CTNNA3: variants seen among roughly 807,000 people sequenced by gnomAD.
CTNNA3 encodes the protein catenin alpha 3.
CTNNA3 carries 76 observed loss-of-function variants against 95.7 expected under a neutral mutation model. The ratio of observed to expected loss-of-function variants is 0.79; its 90% CI spans 0.66 to 0.96. The LOEUF is 0.96. CTNNA3 is among the 40% of genes least tolerant of loss of function. The probability of loss-of-function intolerance (pLI) is 0.00; values close to 1 mark genes in which losing one functional copy is unlikely to be tolerated. For synonymous variants in CTNNA3, 431 were observed against 374.4 expected, an observed-to-expected ratio of 1.15 and a Z score of -1.74; for missense variants, 1,191 against 1,089.8, an observed-to-expected ratio of 1.09 and a Z score of -1.31.
At chr10:66,620,240 T>C (rs1478139195) in intron 10 of CTNNA3, among the ~76,000 whole-genome samples, 1 of 152,080 alleles carries the variant, frequency 6.6e-6, no homozygotes, top group Non-Finnish European at 1.5e-5. Context: ...AATCATATGT[T>C]TACCTTAAAG....
chr10:67,221,402 GT>G (rs897592136), intron 5 of CTNNA3, among the ~76,000 whole-genome samples: 2 of 152,144 alleles, frequency 1.3e-5, no homozygotes, highest in Non-Finnish European at 2.9e-5. Context: ...CATGAGAGAT[GT>G]GATTATTCCC....
At chr10:66,008,633 TATC>T (rs2078943952) in intron 15 of CTNNA3, among the ~76,000 whole-genome samples, 1 of 152,230 alleles carries the variant, frequency 6.6e-6, no homozygotes, top group Non-Finnish European at 1.5e-5. Flanking sequence ...ATACCTGCAT[TATC>T]ATGCTACTAA....
chr10:66,944,562 T>C (rs1848184421), intron 7 of CTNNA3, among the ~76,000 whole-genome samples: 1 of 152,160 alleles, frequency 6.6e-6, no homozygotes, highest in African/African-American at 2.4e-5. Context: ...TTTAGAATGG[T>C]GACTCTTACC....
At chr10:67,310,035 C>T (rs567721238) in intron 5 of CTNNA3, among the ~76,000 whole-genome samples, 11 of 152,180 alleles carry the variant, frequency 7.2e-5, no homozygotes, top group African/African-American at 2.2e-4. Flanking sequence ...TAAAGCTATA[C>T]GTTACTCAGA....
At position 67,373,117 on chromosome 10, in the gene CTNNA3, C is replaced by A. The variant is rs183480564; in HGVS notation, c.579+148725G>T. On this transcript the variant is annotated intron_variant, in intron 5 of 17. Coordinates refer to ENST00000433211, the MANE Select transcript of CTNNA3 (RefSeq NM_013266.4). Reference sequence around the variant, plus strand: ...CATAATAATGACAGGATGATTCACACATAACAATATTAACCTTAAATGTAA... The same window carrying A: ...CATAATAATGACAGGATGATTCACAAATAACAATATTAACCTTAAATGTAA... 2.4e-3 allele frequency among the ~76,000 whole-genome samples: 367 copies of A among 152,236 alleles called. 2 individuals are homozygous for A. Among genetic ancestry groups the A allele is most frequent in the Non-Finnish European group, 4.3e-3 (292 of 68,022 alleles).
chr10:67,118,550 T>C (rs2035890882), intron 7 of CTNNA3, among the ~76,000 whole-genome samples: 1 of 151,994 alleles, frequency 6.6e-6, no homozygotes, highest in Admixed American at 6.6e-5. Flanking sequence ...AATAATAGCA[T>C]GAACTCTATT....
intron 7 of CTNNA3, among the ~76,000 whole-genome samples, chr10:67,108,345 T>A (rs185894612): frequency 6.6e-6 from 1 of 152,172 alleles, no homozygotes. Flanking sequence ...TTCTGGACAA[T>A]TAAGTTACAG....
Position 66,318,276 on chromosome 10 carries a change from A to ATATATATATGTGTGTG in CTNNA3, c.1733-37656_1733-37655insCACACACATATATATA, listed in dbSNP as rs33943741. ...GTTGCTGGGAGATATATATATATAT[A>ATATATATATGTGTGTG]TGTGTGTGTGTGTGTGTGTGTGTGT... On this transcript the variant is annotated intron_variant, in intron 12 of 17. Transcript: ENST00000433211. Among the ~76,000 whole-genome samples the ATATATATATGTGTGTG allele has an allele frequency of 2.2e-4, 30 of 136,660 alleles. No individual in the cohort carries two copies. The South Asian group carries it at 5.5e-3, about 25-fold the overall frequency. The allele number at this position is 136,660 out of a possible 152,430, so 89.7% of individuals were successfully genotyped here. A position where few individuals can be genotyped will look rare whatever the true frequency, so the allele number is the denominator to read the frequency against.
intron 15 of CTNNA3, among the ~76,000 whole-genome samples, chr10:65,996,406 G>A (rs2078661373): frequency 6.6e-6 from 1 of 152,150 alleles, no homozygotes; most frequent in Non-Finnish European, 1.5e-5. Context: ...CTGTTCTGCT[G>A]AGTCTAATCA....
chr10:67,232,333 C>T lies in CTNNA3; in HGVS notation c.580-12463G>A, dbSNP rs569596366. Among the ~76,000 whole-genome samples the T allele has an allele frequency of 8.7e-4, 132 of 152,200 alleles. 2 individuals carry two copies. Among genetic ancestry groups the T allele is most frequent in the African/African-American group, 3.0e-3 (126 of 41,530 alleles). ...ATCTCTCAGCAGAAACTCTACAAGC[C>T]AGAAGAGAGTGGGGGCCAATATTCA... On this transcript the variant is annotated intron_variant, in intron 5 of 17. Coordinates refer to ENST00000433211, the MANE Select transcript of CTNNA3 (RefSeq NM_013266.4).
chr10:66,154,466 T>C (rs2084372017), intron 13 of CTNNA3, among the ~76,000 whole-genome samples: 1 of 151,402 alleles, frequency 6.6e-6, no homozygotes, highest in Non-Finnish European at 1.5e-5. Context: ...CTGCAAAGGA[T>C]GTTTGTTTTA....
intron 7 of CTNNA3, among the ~76,000 whole-genome samples, chr10:66,872,078 T>G (rs1345246225): frequency 1.3e-5 from 2 of 152,196 alleles, no homozygotes; most frequent in African/African-American, 4.8e-5. Context: ...AACAAAACCC[T>G]CCGTAACATA....
chr10:66,788,619 T>C (rs909864361), intron 7 of CTNNA3, among the ~76,000 whole-genome samples: 1 of 152,012 alleles, frequency 6.6e-6, no homozygotes, highest in African/African-American at 2.4e-5. Context: ...GGATATTAAC[T>C]CCTCCTTCCA....
chr10:66,374,606 CTTTTTT>C (rs58880058), intron 12 of CTNNA3, among the ~76,000 whole-genome samples: 1 of 88,150 alleles, frequency 1.1e-5, no homozygotes, highest in African/African-American at 5.6e-5. Context: ...AAAGAAAAGC[CTTTTTT>C]TTTTTTTTTT....
At chr10:66,651,674 G>T (rs1004537379) in intron 9 of CTNNA3, among the ~76,000 whole-genome samples, 1 of 150,546 alleles carries the variant, frequency 6.6e-6, no homozygotes, top group East Asian at 2.0e-4. Flanking sequence ...ACTGCTGGGG[G>T]ACCCAGCGCA....
chr10:65,960,023 G>A (rs2077810977), intron 17 of CTNNA3, among the ~76,000 whole-genome samples: 1 of 152,156 alleles, frequency 6.6e-6, no homozygotes, highest in Non-Finnish European at 1.5e-5. Flanking sequence ...GCAGTGTTGA[G>A]AAAAGTGATT....
intron 7 of CTNNA3, chr10:67,052,690 A>G (rs1855184681): frequency 6.6e-6 from 1 of 152,192 alleles, no homozygotes; most frequent in Non-Finnish European, 1.5e-5. Context: ...GAAGATGCTA[A>G]CAACTAAATG....
chr10:66,459,176 T>C (rs1252014128), intron 11 of CTNNA3, among the ~76,000 whole-genome samples: 1 of 152,162 alleles, frequency 6.6e-6, no homozygotes, highest in African/African-American at 2.4e-5. Flanking sequence ...ATAGTACATA[T>C]ATGTTCTTTC....
intron 7 of CTNNA3, among the ~76,000 whole-genome samples, chr10:66,981,428 A>G (rs1037568600): frequency 6.6e-6 from 1 of 152,178 alleles, no homozygotes; most frequent in Non-Finnish European, 1.5e-5. Context: ...TTGAATTGCC[A>G]CTGACCATAT....
Sources: allele counts gnomAD v4.1 joint callset (sites outside exome capture counted in the v4.1 genomes callset), GRCh38; gene constraint gnomAD v4.1.1; transcripts MANE v1.5; gene names NCBI Gene and HGNC (gene_info 2026-07-23, HGNC 2026-07-21).